Variants in CTNNA2 observed in about 807,000 individuals in gnomAD.
CTNNA2 encodes catenin alpha-2.
Under a neutral mutation model 101.0 loss-of-function variants are expected in CTNNA2, and 42 were observed. The observed-to-expected ratio is 0.42, with a 90% CI of 0.32 to 0.54. CTNNA2 has a LOEUF of 0.54. CTNNA2 is among the 20% of genes least tolerant of loss of function. CTNNA2 has a pLI of 0.14. For missense variants in CTNNA2, 871 were observed against 1,223.1 expected (o/e 0.71, Z 4.29); for synonymous variants, 450 against 456.4 (o/e 0.99, Z 0.18).
intron 2 of CTNNA2, among the ~76,000 whole-genome samples, chr2:79,215,548 C>T (rs150652891): frequency 0.29 from 43,769 of 151,848 alleles, 6,932 homozygotes; most frequent in East Asian, 0.41. Flanking sequence ...GGTAATAAAA[C>T]GTATTTTGAG....
Position 79,814,638 on chromosome 2 carries a change from C to CACACACATAT in CTNNA2, c.299-43374_299-43373insCACACATATA, listed in dbSNP as rs145584853. On this transcript the variant is annotated intron_variant, in intron 3 of 18. Coordinates refer to ENST00000402739, the MANE Select transcript of CTNNA2 (RefSeq NM_001282597.3). ...ACACACACACACACACACACACACA[C>CACACACATAT]ATATATATATATATCACAGTTTCTT... 7.4e-3 allele frequency among the ~76,000 whole-genome samples: 1,081 copies of CACACACATAT among 146,972 alleles called. 8 individuals carry two copies. The highest frequency in any genetic ancestry group is 0.012 in the African/African-American group (487 of 39,232).
chr2:79,621,791 A>G (rs1363101234), intron 1 of CTNNA2, among the ~76,000 whole-genome samples: 1 of 152,206 alleles, frequency 6.6e-6, no homozygotes, highest in African/African-American at 2.4e-5. Flanking sequence ...ATTCAACACC[A>G]GTAGTGATGA....
chr2:79,847,930 G>A (rs1357354114), intron 3 of CTNNA2, among the ~76,000 whole-genome samples: 1 of 152,150 alleles, frequency 6.6e-6, no homozygotes, highest in Admixed American at 6.5e-5. Flanking sequence ...AATAACATTA[G>A]AAGGTTTTTG....
At chr2:79,843,249 G>A (rs1679963562) in intron 3 of CTNNA2, among the ~76,000 whole-genome samples, 1 of 152,148 alleles carries the variant, frequency 6.6e-6, no homozygotes, top group African/African-American at 2.4e-5. Context: ...ACACCTGAAA[G>A]GATTCTTTAA....
At chr2:80,142,030 T>C (rs1703044159) in intron 7 of CTNNA2, among the ~76,000 whole-genome samples, 1 of 152,102 alleles carries the variant, frequency 6.6e-6, no homozygotes, top group South Asian at 2.1e-4. Context: ...TCTGAATTTC[T>C]TCCTGAGGGG....
intron 9 of CTNNA2, among the ~76,000 whole-genome samples, chr2:80,438,128 C>T (rs1433941660): frequency 6.6e-6 from 1 of 152,208 alleles, no homozygotes; most frequent in Non-Finnish European, 1.5e-5. Context: ...AGTTTGGTTT[C>T]TCCTGAGGCC....
intron 2 of CTNNA2, among the ~76,000 whole-genome samples, chr2:79,263,176 T>C (rs1038692437): frequency 5.9e-5 from 9 of 152,182 alleles, no homozygotes; most frequent in Non-Finnish European, 1.2e-4. Flanking sequence ...GTCCCTGATA[T>C]GGTTTAGATA....
chr2:80,102,376 C>A (rs746331382), intron 7 of CTNNA2, among the ~76,000 whole-genome samples: 4 of 152,208 alleles, frequency 2.6e-5, no homozygotes, highest in Non-Finnish European at 5.9e-5. Flanking sequence ...ATATTGCTCT[C>A]CAGGACAATC....
At chr2:79,461,131 G>T (rs991674866) in intron 4 of CTNNA2, among the ~76,000 whole-genome samples, 22 of 152,096 alleles carry the variant, frequency 1.4e-4, no homozygotes, top group Non-Finnish European at 2.6e-4. Flanking sequence ...CGTGAGCCAC[G>T]GTTCCTGGCC....
chr2:80,331,631 T>A (rs1330979087), intron 7 of CTNNA2, among the ~76,000 whole-genome samples: 1 of 152,146 alleles, frequency 6.6e-6, no homozygotes. Flanking sequence ...CTACTTCTGC[T>A]ATCTCCCAGA....
chr2:80,529,311 C>T (rs1317401973), intron 9 of CTNNA2, among the ~76,000 whole-genome samples: 1 of 152,168 alleles, frequency 6.6e-6, no homozygotes, highest in Non-Finnish European at 1.5e-5. Context: ...AAACGAGCCA[C>T]TGGCTATATT....
intron 3 of CTNNA2, among the ~76,000 whole-genome samples, chr2:79,366,881 G>A (rs1677762532): frequency 6.6e-6 from 1 of 152,180 alleles, no homozygotes; most frequent in Non-Finnish European, 1.5e-5. Context: ...TGGGTGAGTG[G>A]AAAGTGCTAT....
chr2:79,640,280 A>C (rs1038344978), intron 1 of CTNNA2, among the ~76,000 whole-genome samples: 12 of 152,188 alleles, frequency 7.9e-5, no homozygotes, highest in African/African-American at 2.9e-4. Flanking sequence ...TCTTGAAGAC[A>C]AAATGGAATT....
upstream of CTNNA2, among the ~76,000 whole-genome samples, chr2:79,510,846 C>A (rs1671519344): frequency 6.6e-6 from 1 of 152,150 alleles, no homozygotes; most frequent in Admixed American, 6.5e-5. Context: ...AAAGTCACTA[C>A]AAAACAACAA....
chr2:80,224,519 A>G (rs1708761422), intron 7 of CTNNA2, among the ~76,000 whole-genome samples: 1 of 150,740 alleles, frequency 6.6e-6, no homozygotes, highest in Non-Finnish European at 1.5e-5. Flanking sequence ...ATCTCGGCTC[A>G]CTGCAACCTC....
intron 7 of CTNNA2, among the ~76,000 whole-genome samples, chr2:80,192,525 T>C (rs1249695004): frequency 1.3e-5 from 2 of 152,078 alleles, no homozygotes; most frequent in Admixed American, 1.3e-4. Context: ...AAACTTTTCT[T>C]TTTTTTTCTT....
At chr2:80,100,195 A>G (rs1412488145) in intron 7 of CTNNA2, among the ~76,000 whole-genome samples, 1 of 152,070 alleles carries the variant, frequency 6.6e-6, no homozygotes, top group Admixed American at 6.6e-5. Flanking sequence ...TAGCCTCCCA[A>G]AGTGCTGGGA....
intron 2 of CTNNA2, among the ~76,000 whole-genome samples, chr2:79,719,716 A>G (rs939399890): frequency 3.9e-5 from 6 of 152,062 alleles, no homozygotes; most frequent in Admixed American, 3.9e-4. Context: ...GTATCTGTTC[A>G]TGTCCTTTGC....
At chr2:80,522,402 C>T (rs376078062) in intron 9 of CTNNA2, among the ~76,000 whole-genome samples, 1 of 152,154 alleles carries the variant, frequency 6.6e-6, no homozygotes, top group African/African-American at 2.4e-5. Context: ...AAATAGATTG[C>T]ATTTAATTTC....
Sources: allele counts gnomAD v4.1 joint callset (sites outside exome capture counted in the v4.1 genomes callset), GRCh38; gene constraint gnomAD v4.1.1; transcripts MANE v1.5; gene names NCBI Gene and HGNC (gene_info 2026-07-23, HGNC 2026-07-21).